The following EXOC4 variants were observed in gnomAD, a reference collection of about 807,000 sequenced individuals.
EXOC4 encodes the protein SEC8-like 1.
Under a neutral mutation model 107.2 loss-of-function variants are expected in EXOC4, and 71 were observed. That is an observed-to-expected ratio of 0.66 (90% CI 0.55 to 0.81). The LOEUF is 0.81. Ranked by LOEUF, EXOC4 falls within the 30% of genes least tolerant of loss-of-function variation. EXOC4 has a pLI of 0.00. For synonymous variants in EXOC4, 456 were observed against 441.2 expected (o/e 1.03, Z -0.42); for missense variants, 1,108 against 1,189.6 (o/e 0.93, Z 1.01).
chr7:134,091,786 T>C, the EXOC4 span, among the ~76,000 whole-genome samples: 4 of 152,148 alleles, frequency 2.6e-5, no homozygotes, highest in Admixed American at 1.3e-4. Flanking sequence ...TCTCAGTTGA[T>C]AAGCAAGCAT....
intron 10 of EXOC4, among the ~76,000 whole-genome samples, chr7:133,651,093 GT>G (rs1803138777): frequency 6.6e-6 from 1 of 151,918 alleles, no homozygotes; most frequent in South Asian, 2.1e-4. Flanking sequence ...AGGAAGAAAA[GT>G]CATACACCAC....
chr7:133,682,801 T>C (rs1208755710), intron 10 of EXOC4, among the ~76,000 whole-genome samples: 1 of 152,182 alleles, frequency 6.6e-6, no homozygotes, highest in Non-Finnish European at 1.5e-5. Flanking sequence ...AGTTTGAGGC[T>C]CTCAGTCAAA....
At chr7:133,908,727 A>G (rs776639902) in intron 12 of EXOC4, among the ~76,000 whole-genome samples, 6 of 152,262 alleles carry the variant, frequency 3.9e-5, no homozygotes, top group Non-Finnish European at 8.8e-5. Context: ...TTGTCAGCCA[A>G]TACAATTATT....
intron 7 of EXOC4, among the ~76,000 whole-genome samples, chr7:133,453,206 A>G (rs140424280): frequency 6.6e-6 from 1 of 152,336 alleles, no homozygotes; most frequent in East Asian, 1.9e-4. Flanking sequence ...ATATATTTCT[A>G]CTTCTCACAG....
At chr7:133,752,501 G>C (rs1194697683) in intron 10 of EXOC4, among the ~76,000 whole-genome samples, 1 of 152,048 alleles carries the variant, frequency 6.6e-6, no homozygotes, top group Non-Finnish European at 1.5e-5. Context: ...ATTGATTCAG[G>C]ATATGCATTG....
intron 7 of EXOC4, among the ~76,000 whole-genome samples, chr7:133,440,496 T>C (rs1798079401): frequency 6.6e-6 from 1 of 152,176 alleles, no homozygotes; most frequent in Non-Finnish European, 1.5e-5. Flanking sequence ...AGCAACTCCA[T>C]CTTGGGTAAG....
intron 9 of EXOC4, among the ~76,000 whole-genome samples, chr7:133,628,949 C>T (rs1033972098): frequency 3.3e-5 from 5 of 152,178 alleles, no homozygotes; most frequent in African/African-American, 7.2e-5. Context: ...ATGAAACACA[C>T]GCTGTTGGTG....
intron 17 of EXOC4, among the ~76,000 whole-genome samples, chr7:134,022,050 T>G (rs1795042600): frequency 3.3e-5 from 5 of 152,180 alleles, no homozygotes. Context: ...TAGGTGACAG[T>G]CTTCTGTTGA....
chr7:133,520,045 A>G (rs999187297), intron 9 of EXOC4, among the ~76,000 whole-genome samples: 1 of 152,198 alleles, frequency 6.6e-6, no homozygotes, highest in Non-Finnish European at 1.5e-5. Context: ...ATGCTTGGAT[A>G]TACAAATACT....
At chr7:133,614,811 AAAAAAG>A (rs1286005507) in intron 9 of EXOC4, among the ~76,000 whole-genome samples, 4 of 149,740 alleles carry the variant, frequency 2.7e-5, no homozygotes, top group African/African-American at 1.0e-4. Context: ...AAAAAAAAAA[AAAAAAG>A]ATGGTGGTTG....
chr7:133,904,357 C>T (rs959327722), intron 12 of EXOC4, among the ~76,000 whole-genome samples: 16 of 152,218 alleles, frequency 1.1e-4, no homozygotes, highest in South Asian at 4.2e-4. Flanking sequence ...GTTTTGCCTG[C>T]GCTGTCTGTC....
Position 134,029,209 on chromosome 7 carries a change from C to T in EXOC4, c.2687+21374C>T, listed in dbSNP as rs1372393792. The stretch of plus-strand genomic sequence containing the variant: ...TGCCTCCTCCTCACTGTGGGAGTTC[C>T]AAGAAGTTTTGCGTCTTTCCCTATA... On this transcript the variant is annotated intron_variant, in intron 17 of 17. Coordinates refer to ENST00000253861, the MANE Select transcript of EXOC4 (RefSeq NM_021807.4). 3.9e-5 allele frequency among the ~76,000 whole-genome samples: 6 copies of T among 152,126 alleles called. No individual in the cohort carries two copies. In the East Asian group the frequency reaches 1.2e-3, roughly 29 times the overall value.
chr7:133,491,164 T>G (rs1472776408), intron 9 of EXOC4, among the ~76,000 whole-genome samples: 2 of 152,162 alleles, frequency 1.3e-5, no homozygotes, highest in African/African-American at 2.4e-5. Flanking sequence ...AATTTTAAAC[T>G]GGAAAAGCCC....
At chr7:134,085,289 A>G in the EXOC4 span, among the ~76,000 whole-genome samples, 1 of 151,996 alleles carries the variant, frequency 6.6e-6, no homozygotes, top group South Asian at 2.1e-4. Flanking sequence ...TAACCTTCCA[A>G]AAATCCACTC....
At chr7:133,781,958 A>G (rs1392082979) in intron 10 of EXOC4, among the ~76,000 whole-genome samples, 2 of 152,192 alleles carry the variant, frequency 1.3e-5, no homozygotes. Flanking sequence ...TCTAATTTTA[A>G]TTATTACTTT....
At chr7:133,907,139 A>G (rs1799584862) in intron 12 of EXOC4, among the ~76,000 whole-genome samples, 1 of 152,200 alleles carries the variant, frequency 6.6e-6, no homozygotes, top group South Asian at 2.1e-4. Flanking sequence ...TCTTGAAGCT[A>G]TGTTATCTCC....
At position 133,292,126 on chromosome 7, in the gene EXOC4, C is replaced by G. The variant is rs186711246; in HGVS notation, c.471+3010C>G. The stretch of plus-strand genomic sequence containing the variant: ...TTGGGAGGCTGAGGTGGGCAGATCA[C>G]GTGAGGTCAGGAGATTGACACCATC... On this transcript the variant is annotated intron_variant, in intron 3 of 17. Transcript: ENST00000253861. Among the ~76,000 whole-genome samples, 275 of 152,268 alleles carry G rather than the reference C, an allele frequency of 1.8e-3. 1 individual carries two copies. The highest frequency in any genetic ancestry group is 0.014 in the Middle Eastern group (4 of 294).
At chr7:133,939,281 G>C (rs1800373605) in intron 14 of EXOC4, among the ~76,000 whole-genome samples, 1 of 152,074 alleles carries the variant, frequency 6.6e-6, no homozygotes, top group South Asian at 2.1e-4. Flanking sequence ...TTCCAGCCTA[G>C]AGATGGAAAG....
chr7:133,338,785 C>CTTTTTT (rs1795590001), intron 5 of EXOC4, among the ~76,000 whole-genome samples: 1 of 123,470 alleles, frequency 8.1e-6, no homozygotes, highest in African/African-American at 2.9e-5. Flanking sequence ...CAGAGTTTTG[C>CTTTTTT]TCTCGTTGCC....
Sources: allele counts gnomAD v4.1 joint callset (sites outside exome capture counted in the v4.1 genomes callset), GRCh38; gene constraint gnomAD v4.1.1; transcripts MANE v1.5; gene names NCBI Gene and HGNC (gene_info 2026-07-23, HGNC 2026-07-21).